The following ARFGAP3 variants were observed in gnomAD, a reference collection of about 807,000 sequenced individuals.
ARFGAP3 encodes ADP-ribosylation factor GTPase-activating protein 3.
In ARFGAP3, 72 loss-of-function variants were observed where a neutral mutation model predicts 75.0. The observed-to-expected ratio is 0.96, with a 90% CI of 0.79 to 1.17. The LOEUF (loss-of-function observed/expected upper bound fraction) is 1.17, where lower values mean the gene tolerates loss of function less well. Ranked by LOEUF, ARFGAP3 falls within the 50% of genes most tolerant of loss-of-function variation. The probability of loss-of-function intolerance (pLI) is 0.00; values close to 1 mark genes in which losing one functional copy is unlikely to be tolerated. For synonymous variants in ARFGAP3, 221 were observed against 217.9 expected (o/e 1.01, Z -0.13); for missense variants, 620 against 626.6 (o/e 0.99, Z 0.11).
intron 2 of ARFGAP3, 179 bp from the exon 3 acceptor site, chr22:42,841,195 G>A (rs367944088): frequency 4.4e-6 from 3 of 688,264 alleles, no homozygotes; most frequent in Non-Finnish European, 3.6e-6. Flanking sequence ...GTTGGCGTGA[G>A]CAACCCCTGG....
chr22:42,807,015 T>C lies in ARFGAP3; in HGVS notation c.1411+58A>G, dbSNP rs563593945. On this transcript the variant is annotated intron_variant, in intron 14 of 15. Coordinates refer to ENST00000263245, the MANE Select transcript of ARFGAP3 (RefSeq NM_014570.5). ...GGAAAAGGAAACAGTCCTATCCAGA[T>C]GAAATGTGTTCATACCGTAGACATG... The C allele has an allele frequency of 2.6e-5, 38 of 1,481,678 alleles. No individual in the cohort carries two copies. In the Admixed American group the frequency reaches 7.7e-4, roughly 30 times the overall value. 91.8% of individuals were successfully genotyped at this position (1,481,678 alleles called of 1,614,324 possible).
intron 5 of ARFGAP3, 128 bp from the exon 6 acceptor site, chr22:42,831,764 G>T: frequency 2.7e-6 from 4 of 1,486,388 alleles, no homozygotes; most frequent in Non-Finnish European, 3.6e-6. Context: ...TGGAAAGGAA[G>T]GCATATCTAC....
intron 3 of ARFGAP3, among the ~76,000 whole-genome samples, chr22:42,838,360 T>C (rs890850511): frequency 2.0e-5 from 3 of 150,218 alleles, no homozygotes; most frequent in Non-Finnish European, 4.4e-5. Context: ...TGTAATGGCA[T>C]GATCACAGCT....
intron 2 of ARFGAP3, among the ~76,000 whole-genome samples, chr22:42,843,055 G>A (rs942302479): frequency 4.6e-5 from 7 of 151,992 alleles, no homozygotes; most frequent in African/African-American, 1.2e-4. Context: ...CCCAAGGCCA[G>A]GAAAGGACAG....
intron 14 of ARFGAP3, among the ~76,000 whole-genome samples, chr22:42,801,466 T>C (rs1157056886): frequency 6.6e-6 from 1 of 152,180 alleles, no homozygotes; most frequent in Non-Finnish European, 1.5e-5. Flanking sequence ...CACAGTCACT[T>C]GCGGTCCAAG....
chr22:42,806,942 A>T, intron 14 of ARFGAP3, 131 bp downstream of exon 14: 1 of 917,658 alleles, frequency 1.1e-6, no homozygotes, highest in Non-Finnish European at 1.6e-6. Context: ...GCTCTACCTG[A>T]CTTATAGCAG....
intron 8 of ARFGAP3, among the ~76,000 whole-genome samples, 152 bp downstream of exon 8, chr22:42,823,491 TTAATCTCTTTGAC>T (rs1281802531): frequency 2.0e-5 from 1 of 50,392 alleles, no homozygotes; most frequent in Non-Finnish European, 5.5e-5. Flanking sequence ...AAGTATAACA[TTAATCTCTTTGAC>T]ATTAATCTCT....
At chr22:42,856,397 C>T (rs568863064) in intron 1 of ARFGAP3, among the ~76,000 whole-genome samples, 1 of 152,240 alleles carries the variant, frequency 6.6e-6, no homozygotes, top group Non-Finnish European at 1.5e-5. Flanking sequence ...CTCCAAGTCC[C>T]TCTCCGACCC....
chr22:42,828,540 G>C (rs1926144773), intron 6 of ARFGAP3, among the ~76,000 whole-genome samples: 1 of 151,564 alleles, frequency 6.6e-6, no homozygotes, highest in Non-Finnish European at 1.5e-5. Context: ...TGGGCAACAA[G>C]AGTGAAACTC....
intron 5 of ARFGAP3, among the ~76,000 whole-genome samples, chr22:42,831,898 T>C (rs1291646940): frequency 6.6e-6 from 1 of 152,058 alleles, no homozygotes; most frequent in Non-Finnish European, 1.5e-5. Context: ...TGCTTCCACC[T>C]CAGCCTCCTG....
At chr22:42,831,676 G>C in intron 5 of ARFGAP3, 40 bp from the exon 6 acceptor site, 1 of 1,608,088 alleles carries the variant, frequency 6.2e-7, no homozygotes, top group Non-Finnish European at 8.5e-7. Flanking sequence ...GACAAAGCAA[G>C]AAAACAGCCA....
intron 1 of ARFGAP3, among the ~76,000 whole-genome samples, chr22:42,853,162 A>T (rs1046557764): frequency 6.7e-6 from 1 of 149,202 alleles, no homozygotes; most frequent in African/African-American, 2.6e-5. Flanking sequence ...ATTATCTTAT[A>T]ATAAGAGTTT....
chr22:42,857,273 CG>C (rs1242540315), upstream of ARFGAP3: 2 of 1,457,004 alleles, frequency 1.4e-6, no homozygotes, highest in South Asian at 2.7e-5. Flanking sequence ...GACGAGGCCG[CG>C]GGGGCGGGGC....
intron 8 of ARFGAP3, 42 bp from the exon 9 acceptor site, chr22:42,822,451 A>C: frequency 6.3e-7 from 1 of 1,598,634 alleles, no homozygotes; most frequent in Non-Finnish European, 8.5e-7. Context: ...AGCTGTTTGA[A>C]AGCTTCTGTG....
chr22:42,799,272 T>C, intron 14 of ARFGAP3, 112 bp from the exon 15 acceptor site: 1 of 1,528,010 alleles, frequency 6.5e-7, no homozygotes, highest in Non-Finnish European at 8.8e-7. Context: ...CCCCTCCTGC[T>C]GCCTCACAAG....
chr22:42,816,189 C>T (rs1403343532), intron 11 of ARFGAP3, among the ~76,000 whole-genome samples: 1 of 152,158 alleles, frequency 6.6e-6, no homozygotes, highest in Non-Finnish European at 1.5e-5. Flanking sequence ...TATCATATAG[C>T]AGCTAAACAT....
chr22:42,842,593 C>T (rs1411232322), intron 2 of ARFGAP3, among the ~76,000 whole-genome samples: 2 of 151,754 alleles, frequency 1.3e-5, no homozygotes, highest in African/African-American at 4.8e-5. Flanking sequence ...GGATTAGAGG[C>T]GTGCGGAACC....
chr22:42,830,748 TAA>T (rs1263562380), intron 6 of ARFGAP3, among the ~76,000 whole-genome samples: 6 of 152,200 alleles, frequency 3.9e-5, no homozygotes, highest in Non-Finnish European at 8.8e-5. Flanking sequence ...ACTATTTTTA[TAA>T]GTTTTTAAAT....
chr22:42,846,225 G>A (rs1414807653), intron 2 of ARFGAP3, among the ~76,000 whole-genome samples: 2 of 152,200 alleles, frequency 1.3e-5, no homozygotes. Context: ...GATGGAGTAG[G>A]GAAATCTCTG....
Sources: allele counts gnomAD v4.1 joint callset (sites outside exome capture counted in the v4.1 genomes callset), GRCh38; gene constraint gnomAD v4.1.1; transcripts MANE v1.5; gene names NCBI Gene and HGNC (gene_info 2026-07-23, HGNC 2026-07-21).